The following CREB3 variants were observed in gnomAD, a reference collection of about 807,000 sequenced individuals.
The protein encoded by CREB3 is cAMP responsive element binding protein 3.
A neutral mutation model predicts 34.5 loss-of-function variants in CREB3; 29 were observed. The observed-to-expected ratio is 0.84, with a 90% CI of 0.63 to 1.15. CREB3 has a LOEUF of 1.15. Among genes scored for constraint, CREB3 ranks in the 50% most tolerant of loss-of-function variants. The pLI, the probability that CREB3 is intolerant of heterozygous loss-of-function variation, is 0.00. For synonymous variants in CREB3, 187 were observed against 173.9 expected (o/e 1.08, Z -0.59); for missense variants, 447 against 443.4 (o/e 1.01, Z -0.07).
chr9:35,733,805 C>T (rs1826143326), intron 4 of CREB3, among the ~76,000 whole-genome samples: 1 of 152,116 alleles, frequency 6.6e-6, no homozygotes, highest in Non-Finnish European at 1.5e-5. Context: ...AGTAATCCAC[C>T]TCTTGCTGAA....
Position 35,736,585 on chromosome 9 carries a change from G to C in CREB3, c.975G>C (p.Leu325=). The change falls in exon 9 of 9, where the codon CTG becomes CTC. Residue 325 remains leucine, a synonymous_variant. Transcript: ENST00000353704. ...MPQAPSAEPP[L]EWPFPDLFSE... ...AGGCTCCCAGTGCAGAGCCTCCCCT[G>C]GAGTGGCCATTCCCTGACCTCTTCT... 2 of 1,614,114 alleles carry C rather than the reference G, an allele frequency of 1.2e-6. No individual in the cohort carries two copies. Among genetic ancestry groups the C allele is most frequent in the South Asian group, 2.2e-5 (2 of 91,086 alleles).
chr9:35,735,190 GT>G lies in CREB3; in HGVS notation c.518del (p.Val173GlyfsTer6), dbSNP rs1165184258. 6 of 1,607,356 alleles carry G rather than the reference GT, an allele frequency of 3.7e-6. No homozygotes were observed. The highest frequency in any genetic ancestry group is 1.3e-5 in the African/African-American group (1 of 74,216). On this transcript the variant is annotated frameshift_variant, in exon 5 of 9. Coordinates refer to ENST00000353704, the MANE Select transcript of CREB3 (RefSeq NM_006368.5). LOFTEE classifies it high-confidence loss of function. ...SAQESRRKKK[V>X]YVGGLESRVL... ...TCAAGAGAGCCGCAGGAAAAAGAAG[GT>G]GTATGTTGGGGGTTTAGAGAGCAGG...
At chr9:35,736,176 G>C in intron 7 of CREB3, 44 bp downstream of exon 7, 1 of 1,612,328 alleles carries the variant, frequency 6.2e-7, no homozygotes, top group Non-Finnish European at 8.5e-7. Context: ...TCAGTTGGTG[G>C]GGACAGGGCA....
intron 5 of CREB3, 28 bp downstream of exon 5, chr9:35,735,243 A>G: frequency 6.2e-7 from 1 of 1,612,124 alleles, no homozygotes; most frequent in Non-Finnish European, 8.5e-7. Flanking sequence ...ACTCTGTTGT[A>G]AGTATTAGGT....
chr9:35,736,334 TCAGA>T, intron 8 of CREB3, 23 bp downstream of exon 8: 1 of 1,613,778 alleles, frequency 6.2e-7, no homozygotes, highest in Non-Finnish European at 8.5e-7. Flanking sequence ...AGGATAGCTC[TCAGA>T]CAGGGCAAGG....
rs369602952 is a variant in CREB3, at chr9:35,736,348, G to C, written c.781+37G>C. 1.3e-4 allele frequency: 217 copies of C among 1,613,354 alleles called. 1 individual carries two copies. The highest frequency in any genetic ancestry group is 1.3e-3 in the South Asian group (114 of 91,058). On this transcript the variant is annotated intron_variant, in intron 8 of 8. Coordinates refer to ENST00000353704, the MANE Select transcript of CREB3 (RefSeq NM_006368.5). ...AAGGATAGCTCTCAGACAGGGCAAG[G>C]GGAGAGGTCTGGGTTGGCCTCTGAA...
At chr9:35,735,762 T>C (rs749077954) in intron 6 of CREB3, among the ~76,000 whole-genome samples, 3 of 152,214 alleles carry the variant, frequency 2.0e-5, no homozygotes, top group Non-Finnish European at 4.4e-5. Flanking sequence ...ATTATGTGCA[T>C]AGCTGATCAG....
At chr9:35,735,556 AAAAG>A (rs1383945176) in intron 6 of CREB3, among the ~76,000 whole-genome samples, 182 bp downstream of exon 6, 4 of 152,220 alleles carry the variant, frequency 2.6e-5, no homozygotes, top group African/African-American at 7.2e-5. Flanking sequence ...AGTACCAAGA[AAAAG>A]AAAGGGGGTA....
In CREB3 at chr9:35,733,849, G is replaced by A. The variant is rs557594761; in HGVS notation, c.435+364G>A. On this transcript the variant is annotated intron_variant, in intron 4 of 8. Coordinates refer to ENST00000353704, the MANE Select transcript of CREB3 (RefSeq NM_006368.5). ...CTGTTTAGAGAGTTCAACAGGGTTG[G>A]ACTAAGCAGTACATGAATAAATGTA... Among the ~76,000 whole-genome samples, 3 of 152,250 alleles carry A rather than the reference G, an allele frequency of 2.0e-5. No homozygotes were observed. The East Asian group carries it at 5.8e-4, about 29-fold the overall frequency.
In CREB3 at chr9:35,736,762, G is replaced by T. The variant is rs753072097; in HGVS notation, c.*36G>T. On this transcript the variant is annotated 3_prime_UTR_variant, in exon 9 of 9. Coordinates refer to ENST00000353704, the MANE Select transcript of CREB3 (RefSeq NM_006368.5). ...ATGTGGGGGGTCTCAGCAGGAGCCT[G>T]GGGGGCTCCCCATCTGTGTCCAAAT... 6.5e-7 allele frequency: 1 copy of T among 1,530,636 alleles called. No homozygotes were observed. Among genetic ancestry groups the T allele is most frequent in the South Asian group, 1.2e-5 (1 of 85,672 alleles). 94.8% of individuals were successfully genotyped at this position (1,530,636 alleles called of 1,614,324 possible).
At chr9:35,735,998 C>A in intron 6 of CREB3, 50 bp from the exon 7 acceptor site, 1 of 1,419,638 alleles carries the variant, frequency 7.0e-7, no homozygotes, top group South Asian at 1.2e-5. Flanking sequence ...CACTGTGTCT[C>A]AGGATGCTAG....
intron 5 of CREB3, 28 bp from the exon 6 acceptor site, chr9:35,735,278 A>ATC: frequency 3.1e-6 from 5 of 1,609,318 alleles, no homozygotes; most frequent in Non-Finnish European, 3.4e-6. Flanking sequence ...TACAGGCCAT[A>ATC]TCCCCGTATC....
chr9:35,736,723 C>T lies in CREB3; in HGVS notation c.1113C>T (p.Gly371=), dbSNP rs1826225858. 1.9e-6 allele frequency: 3 copies of T among 1,602,700 alleles called. No homozygotes were observed. The South Asian group carries it at 3.3e-5, about 18-fold the overall frequency. Residue 371 remains glycine, a synonymous_variant, in exon 9 of 9, where the codon GGC becomes GGT. Coordinates refer to ENST00000353704, the MANE Select transcript of CREB3 (RefSeq NM_006368.5). ...TCATTTTGCAGGACAGATACTCAGGCTAGATATGAGGATATGTGGGGGGTC... is the reference window on the plus strand; with the variant it reads ...TCATTTTGCAGGACAGATACTCAGGTTAGATATGAGGATATGTGGGGGGTC... ...PSVILQDRYS[G]
In CREB3 at chr9:35,736,493, T is replaced by C. The variant is rs748778912; in HGVS notation, c.883T>C (p.Leu295=). The change falls in exon 9 of 9, where the codon TTG becomes CTG. Residue 295 remains leucine, a synonymous_variant. Coordinates refer to ENST00000353704, the MANE Select transcript of CREB3 (RefSeq NM_006368.5). ...EVPKDSTHQW[L]DGSDCVLQAP... The stretch of plus-strand genomic sequence containing the variant: ...GCCGAAAGACAGCACACACCAGTGG[T>C]TGGACGGCTCAGACTGTGTACTCCA... 3.7e-6 allele frequency: 6 copies of C among 1,614,182 alleles called. No individual in the cohort carries two copies. The highest frequency in any genetic ancestry group is 2.2e-5 in the South Asian group (2 of 91,090).
intron 4 of CREB3, among the ~76,000 whole-genome samples, chr9:35,734,737 G>C (rs775151160): frequency 3.9e-5 from 6 of 152,128 alleles, no homozygotes; most frequent in Non-Finnish European, 7.3e-5. Context: ...GGGACCACAG[G>C]CATGTGCCAC....
In CREB3 at chr9:35,732,709, G is replaced by C; in HGVS notation, c.-64G>C. The C allele has an allele frequency of 6.4e-7, 1 of 1,557,014 alleles. No homozygotes were observed. Among genetic ancestry groups the C allele is most frequent in the Non-Finnish European group, 8.7e-7 (1 of 1,152,982 alleles). On this transcript the variant is annotated 5_prime_UTR_variant, in exon 1 of 9. Transcript: ENST00000353704. This position sits in a 1 kb window ranked among gnomAD's most constrained non-coding sequence, Gnocchi z 5.1. The stretch of plus-strand genomic sequence containing the variant: ...GGTGCCCGAGGCCTACAGCTGGCCT[G>C]GGGCTCGTGTCTGGGCTTCGGACGT...
chr9:35,733,054 C>G lies in CREB3; in HGVS notation c.188C>G (p.Ser63Trp). The change falls in exon 2 of 9, where the codon TCG becomes TGG. Residue 63 changes from serine (S) to tryptophan (W), a missense_variant. Coordinates refer to ENST00000353704, the MANE Select transcript of CREB3 (RefSeq NM_006368.5). The stretch of plus-strand genomic sequence containing the variant: ...TGCTCCCTGCTGAGTCCCCCAGCGT[C>G]GTTGAACATTCTCAGCTCCTCCAAC... Reference protein sequence around the residue: ...LLCSLLSPPASLNILSSSNPC... With the variant: ...LLCSLLSPPAWLNILSSSNPC... 1.2e-6 allele frequency: 2 copies of G among 1,614,222 alleles called. No homozygotes were observed. Among genetic ancestry groups the G allele is most frequent in the Non-Finnish European group, 1.7e-6 (2 of 1,180,046 alleles).
In CREB3 at chr9:35,736,144, G is replaced by A; in HGVS notation, c.696+12G>A. On this transcript the variant is annotated intron_variant, in intron 7 of 8. Transcript: ENST00000353704. ...GCACCTGCATCTTGGTGAGGATGGT[G>A]ATGAGGGGAGAAATCCTTTTCTCAG... is the stretch of plus-strand genomic sequence containing the variant. The A allele has an allele frequency of 6.2e-7, 1 of 1,613,424 alleles. No individual in the cohort carries two copies. The highest frequency in any genetic ancestry group is 8.5e-7 in the Non-Finnish European group (1 of 1,179,310).
Position 35,735,300 on chromosome 9 carries a change from C to A in CREB3, c.543-6C>A. 1 of 1,613,770 alleles carries A rather than the reference C, an allele frequency of 6.2e-7. No individual in the cohort carries two copies. Among genetic ancestry groups the A allele is most frequent in the Non-Finnish European group, 8.5e-7 (1 of 1,179,724 alleles). On this transcript the variant is annotated splice_region_variant and splice_polypyrimidine_tract_variant and intron_variant, in intron 5 of 8. Coordinates refer to ENST00000353704, the MANE Select transcript of CREB3 (RefSeq NM_006368.5). ...CATATCCCCGTATCTTTGTTATTTC[C>A]CCCAGGGTCTTGAAATACACAGCCC...
Sources: gnomAD v4.1 joint callset for allele counts (sites outside exome capture counted in the v4.1 genomes callset) on GRCh38, gnomAD v4.1.1 for gene constraint, Gnocchi (gnomAD v3.1) non-coding constraint, MANE v1.5 for transcripts, NCBI Gene and HGNC (gene_info 2026-07-23, HGNC 2026-07-21) for gene names.